The following CTNNA2 variants were observed in gnomAD, a reference collection of about 807,000 sequenced individuals.
CTNNA2 encodes catenin alpha-2.
Under a neutral mutation model 101.0 loss-of-function variants are expected in CTNNA2, and 42 were observed. That is an observed-to-expected ratio of 0.42 (90% CI 0.32 to 0.54). The LOEUF (loss-of-function observed/expected upper bound fraction) is 0.54, where lower values mean the gene tolerates loss of function less well. Among genes scored for constraint, CTNNA2 ranks in the 20% least tolerant of loss-of-function variants. CTNNA2 has a pLI of 0.14. For missense variants in CTNNA2, 871 were observed against 1,223.1 expected, an observed-to-expected ratio of 0.71 and a Z score of 4.29; for synonymous variants, 450 against 456.4, an observed-to-expected ratio of 0.99 and a Z score of 0.18.
At chr2:80,466,865 A>T (rs140219802) in intron 9 of CTNNA2, among the ~76,000 whole-genome samples, 202 of 152,340 alleles carry the variant, frequency 1.3e-3, no homozygotes, top group African/African-American at 4.8e-3. Flanking sequence ...CATTTGGTAT[A>T]ATAGATACCT....
chr2:80,633,672 G>T (rs1317678370), intron 18 of CTNNA2, among the ~76,000 whole-genome samples: 2 of 152,156 alleles, frequency 1.3e-5, no homozygotes, highest in African/African-American at 4.8e-5. Flanking sequence ...ACCAAAAAAA[G>T]TTAACTTTTC....
intron 7 of CTNNA2, among the ~76,000 whole-genome samples, chr2:80,119,250 A>T (rs975246937): frequency 6.6e-6 from 1 of 152,144 alleles, no homozygotes; most frequent in Non-Finnish European, 1.5e-5. Flanking sequence ...TCTGCCATTT[A>T]TCTATCAGAC....
chr2:79,905,818 T>G (rs905223786), intron 6 of CTNNA2, among the ~76,000 whole-genome samples: 2 of 152,152 alleles, frequency 1.3e-5, no homozygotes, highest in African/African-American at 4.8e-5. Flanking sequence ...GTTTCTTAGT[T>G]TTTTAATTAC....
chr2:79,542,939 T>A (rs1209564212), intron 1 of CTNNA2, among the ~76,000 whole-genome samples: 1 of 152,194 alleles, frequency 6.6e-6, no homozygotes, highest in African/African-American at 2.4e-5. Context: ...AGGGGCTTAG[T>A]AAGTTTAATA....
intron 2 of CTNNA2, among the ~76,000 whole-genome samples, chr2:79,694,077 A>T (rs142646151): frequency 3.9e-5 from 6 of 152,078 alleles, no homozygotes; most frequent in African/African-American, 1.4e-4. Context: ...ATTCAAAGAC[A>T]TGGACAGGAG....
At chr2:80,382,813 TTA>T (rs762612970) in intron 7 of CTNNA2, among the ~76,000 whole-genome samples, 7 of 152,322 alleles carry the variant, frequency 4.6e-5, no homozygotes, top group Non-Finnish European at 1.0e-4. Flanking sequence ...TAGGGATTCT[TTA>T]GGTGTTGAAA....
intron 3 of CTNNA2, among the ~76,000 whole-genome samples, chr2:79,367,245 G>T (rs777780210): frequency 6.6e-6 from 1 of 152,204 alleles, no homozygotes; most frequent in African/African-American, 2.4e-5. Flanking sequence ...GAATCAGCTA[G>T]CACCTTAATC....
At chr2:79,794,784 A>C (rs894922996) in intron 3 of CTNNA2, among the ~76,000 whole-genome samples, 4 of 152,186 alleles carry the variant, frequency 2.6e-5, no homozygotes, top group Non-Finnish European at 2.9e-5. Flanking sequence ...GGATAAATCT[A>C]CCTTGCTTGA....
At chr2:79,238,744 T>C (rs550247419) in intron 2 of CTNNA2, among the ~76,000 whole-genome samples, 9 of 152,168 alleles carry the variant, frequency 5.9e-5, no homozygotes, top group Non-Finnish European at 1.3e-4. Flanking sequence ...GTTTTAAGAT[T>C]ATGTTGTTCT....
At chr2:79,932,177 T>C (rs1195989756) in intron 7 of CTNNA2, among the ~76,000 whole-genome samples, 1 of 152,104 alleles carries the variant, frequency 6.6e-6, no homozygotes, top group Non-Finnish European at 1.5e-5. Flanking sequence ...ACCTGAGCCC[T>C]AAAGGCTATG....
intron 2 of CTNNA2, among the ~76,000 whole-genome samples, chr2:79,205,008 A>G (rs761725906): frequency 1.3e-5 from 2 of 152,258 alleles, no homozygotes; most frequent in Admixed American, 1.3e-4. Flanking sequence ...TAGCCATCAG[A>G]AAGCAGAGTT....
intron 7 of CTNNA2, among the ~76,000 whole-genome samples, chr2:80,048,788 A>G (rs751681712): frequency 2.0e-5 from 3 of 152,188 alleles, no homozygotes; most frequent in Non-Finnish European, 2.9e-5. Context: ...GGGAAGTTCT[A>G]CTGTGTAGGT....
intron 1 of CTNNA2, among the ~76,000 whole-genome samples, chr2:79,516,771 CA>C (rs1260662098): frequency 4.6e-5 from 7 of 152,216 alleles, no homozygotes; most frequent in Non-Finnish European, 7.4e-5. Flanking sequence ...AACTTCAAGG[CA>C]GAGGGAAAAC....
intron 3 of CTNNA2, among the ~76,000 whole-genome samples, chr2:79,313,122 A>G (rs1478687094): frequency 1.3e-5 from 2 of 152,168 alleles, no homozygotes; most frequent in Non-Finnish European, 1.5e-5. Context: ...AAGCCCTCCA[A>G]CAGATGTAAT....
At chr2:80,431,880 TA>T (rs1339216103) in intron 9 of CTNNA2, among the ~76,000 whole-genome samples, 1 of 152,172 alleles carries the variant, frequency 6.6e-6, no homozygotes, top group African/African-American at 2.4e-5. Context: ...TTATAAAAAT[TA>T]AAAGCTTCAA....
In CTNNA2 at chr2:80,018,637, C is replaced by T. The variant is rs548865193; in HGVS notation, c.1056+108840C>T. Among the ~76,000 whole-genome samples, 16 of 152,080 alleles carry T rather than the reference C, an allele frequency of 1.1e-4. 1 individual carries two copies. The highest frequency in any genetic ancestry group is 3.6e-4 in the African/African-American group (15 of 41,490). On this transcript the variant is annotated intron_variant, in intron 7 of 18. Coordinates refer to ENST00000402739, the MANE Select transcript of CTNNA2 (RefSeq NM_001282597.3). ...TAAACAGAAAATACAAAAAATTAGCCGGGCGTGGTGGCACGTGCCTGTAGT... is the reference window on the plus strand; with the variant it reads ...TAAACAGAAAATACAAAAAATTAGCTGGGCGTGGTGGCACGTGCCTGTAGT...
At chr2:80,154,882 A>G (rs895684169) in intron 7 of CTNNA2, among the ~76,000 whole-genome samples, 3 of 152,230 alleles carry the variant, frequency 2.0e-5, no homozygotes, top group Non-Finnish European at 4.4e-5. Flanking sequence ...TATGATTTAT[A>G]ACTATAGATA....
chr2:79,890,040 G>T (rs541788232), intron 6 of CTNNA2, among the ~76,000 whole-genome samples: 9 of 152,188 alleles, frequency 5.9e-5, no homozygotes, highest in Admixed American at 5.2e-4. Context: ...TACTAAGAAT[G>T]TAAGTTTCTC....
intron 2 of CTNNA2, among the ~76,000 whole-genome samples, chr2:79,670,360 T>G (rs1682748801): frequency 1.3e-5 from 2 of 152,134 alleles, no homozygotes; most frequent in Non-Finnish European, 1.5e-5. Flanking sequence ...CCCGCCCTCC[T>G]GGGTAGGGCT....
Sources: allele counts gnomAD v4.1 joint callset (sites outside exome capture counted in the v4.1 genomes callset), GRCh38; gene constraint gnomAD v4.1.1; transcripts MANE v1.5; gene names NCBI Gene and HGNC (gene_info 2026-07-23, HGNC 2026-07-21).